Variants in UNC79 observed in about 807,000 individuals in gnomAD.
UNC79 encodes protein unc-79 homolog.
UNC79 carries 37 observed loss-of-function variants against 283.1 expected under a neutral mutation model. The observed-to-expected ratio is 0.13, with a 90% CI of 0.10 to 0.17. UNC79 has a LOEUF of 0.17. Ranked by LOEUF, UNC79 falls within the 10% of genes least tolerant of loss-of-function variation. The pLI, the probability that UNC79 is intolerant of heterozygous loss-of-function variation, is 1.00. For synonymous variants in UNC79, 1,107 were observed against 1,200.2 expected (o/e 0.92, Z 1.61); for missense variants, 2,272 against 3,211.1 (o/e 0.71, Z 7.07).
At chr14:93,353,329 A>C (rs1405283270) in intron 1 of UNC79, among the ~76,000 whole-genome samples, 1 of 151,878 alleles carries the variant, frequency 6.6e-6, no homozygotes, top group African/African-American at 2.4e-5. Flanking sequence ...TTGACTTCCC[A>C]AAGCTTTGGA....
At chr14:93,675,438 A>G (rs2073256758) in intron 41 of UNC79, among the ~76,000 whole-genome samples, 1 of 151,888 alleles carries the variant, frequency 6.6e-6, no homozygotes, top group Non-Finnish European at 1.5e-5. Context: ...CAATTTAGCA[A>G]TTGAAGTTGA....
chr14:93,412,280 A>G (rs1303169203), intron 1 of UNC79, among the ~76,000 whole-genome samples: 1 of 152,164 alleles, frequency 6.6e-6, no homozygotes, highest in Non-Finnish European at 1.5e-5. Flanking sequence ...GCATGCCTAC[A>G]GGATATAGAA....
intron 40 of UNC79, among the ~76,000 whole-genome samples, chr14:93,667,287 A>G (rs1444506397): frequency 1.3e-5 from 2 of 152,170 alleles, no homozygotes; most frequent in African/African-American, 2.4e-5. Context: ...TGGAAGATCA[A>G]TACAACAGAA....
chr14:93,476,152 A>G (rs1822100939), intron 3 of UNC79, among the ~76,000 whole-genome samples: 1 of 152,046 alleles, frequency 6.6e-6, no homozygotes, highest in Admixed American at 6.6e-5. Flanking sequence ...ATCCTTGTGG[A>G]CGCTTCTTTT....
intron 1 of UNC79, chr14:93,347,355 C>T: frequency 6.3e-7 from 1 of 1,588,078 alleles, no homozygotes; most frequent in Non-Finnish European, 8.5e-7. Context: ...CCCGCTTCGC[C>T]CACTCGGGGC....
chr14:93,403,196 C>A (rs1053707168), intron 1 of UNC79, among the ~76,000 whole-genome samples: 1 of 152,200 alleles, frequency 6.6e-6, no homozygotes, highest in Non-Finnish European at 1.5e-5. Context: ...TGCATTTTTA[C>A]ATAAACAATA....
rs2060884537 is a variant in UNC79 at position 93,532,669 on chromosome 14, G to T, written c.1122+91G>T. 3.3e-6 allele frequency: 5 copies of T among 1,522,098 alleles called. No individual in the cohort carries two copies. The South Asian group carries it at 3.6e-5, about 11-fold the overall frequency. The allele number at this position is 1,522,098 out of a possible 1,614,324, so 94.3% of individuals were successfully genotyped here. A position where few individuals can be genotyped will look rare whatever the true frequency, so the allele number is the denominator to read the frequency against. On this transcript the variant is annotated intron_variant, in intron 11 of 48. Transcript: ENST00000555664. ...GACATCTGCCTCATTTCTGCACCGTGGTTTCCAGTATATGCATGCCATTGT... is the reference window on the plus strand; with the variant it reads ...GACATCTGCCTCATTTCTGCACCGTTGTTTCCAGTATATGCATGCCATTGT...
chr14:93,476,469 C>T (rs1423132376), intron 3 of UNC79, among the ~76,000 whole-genome samples: 4 of 152,174 alleles, frequency 2.6e-5, no homozygotes, highest in Non-Finnish European at 4.4e-5. Flanking sequence ...CCATTTCATT[C>T]ATTTGAGCTC....
chr14:93,552,480 A>G (rs540169971), intron 14 of UNC79, among the ~76,000 whole-genome samples: 1 of 152,336 alleles, frequency 6.6e-6, no homozygotes, highest in Non-Finnish European at 1.5e-5. Context: ...GTTAGTTTGG[A>G]GACTTGCAGC....
chr14:93,380,777 G>T (rs936272486), intron 1 of UNC79, among the ~76,000 whole-genome samples: 2 of 152,008 alleles, frequency 1.3e-5, no homozygotes, highest in African/African-American at 4.8e-5. Context: ...TATATTCAGT[G>T]TATAGATTTT....
chr14:93,659,253 G>A, exon 39 of UNC79: 1 of 1,610,244 alleles, frequency 6.2e-7, no homozygotes, highest in Non-Finnish European at 8.5e-7. Context: ...TTCTACCAAT[G>A]CTACAAGGGT....
At chr14:93,550,514 C>CAAA (rs1205210121) in intron 14 of UNC79, among the ~76,000 whole-genome samples, 980 of 19,138 alleles carry the variant, frequency 0.051, 47 homozygotes, top group Non-Finnish European at 0.075. Flanking sequence ...GACTCCGTAT[C>CAAA]AAAAAAAAAA....
intron 41 of UNC79, among the ~76,000 whole-genome samples, chr14:93,674,627 G>A (rs1360689592): frequency 6.6e-6 from 1 of 152,196 alleles, no homozygotes; most frequent in Non-Finnish European, 1.5e-5. Flanking sequence ...TACAAGCTGA[G>A]GGTTAAATGA....
exon 48 of UNC79, chr14:93,704,625 C>G: frequency 6.2e-7 from 1 of 1,614,200 alleles, no homozygotes; most frequent in Non-Finnish European, 8.5e-7. Context: ...CTCTATACAG[C>G]TGATACCTAT....
chr14:93,446,626 T>G (rs2056468851), intron 1 of UNC79, among the ~76,000 whole-genome samples: 1 of 152,194 alleles, frequency 6.6e-6, no homozygotes, highest in African/African-American at 2.4e-5. Context: ...ATTCCTGACC[T>G]CAAATGATCC....
At chr14:93,679,407 C>T (rs746944092) in intron 41 of UNC79, among the ~76,000 whole-genome samples, 6 of 152,112 alleles carry the variant, frequency 3.9e-5, no homozygotes, top group East Asian at 1.9e-4. Context: ...TGCAGTGAGC[C>T]GAGATCGCGC....
chr14:93,592,891 C>T (rs978394205), intron 22 of UNC79, among the ~76,000 whole-genome samples: 4 of 152,204 alleles, frequency 2.6e-5, no homozygotes, highest in Admixed American at 2.0e-4. Context: ...CTTTCTCACT[C>T]CCTCCCCATC....
intron 22 of UNC79, among the ~76,000 whole-genome samples, chr14:93,590,047 G>A (rs995749893): frequency 6.6e-6 from 1 of 152,144 alleles, no homozygotes; most frequent in Non-Finnish European, 1.5e-5. Flanking sequence ...GAATGTCTTG[G>A]CTATAGCTGC....
At chr14:93,339,866 T>C (rs577640610) in intron 1 of UNC79, among the ~76,000 whole-genome samples, 4 of 152,382 alleles carry the variant, frequency 2.6e-5, no homozygotes, top group South Asian at 2.1e-4. Context: ...TATGCTAGTA[T>C]GTATGGTTGC....
Sources: allele counts gnomAD v4.1 joint callset (sites outside exome capture counted in the v4.1 genomes callset), GRCh38; gene constraint gnomAD v4.1.1; transcripts MANE v1.5; gene names NCBI Gene and HGNC (gene_info 2026-07-23, HGNC 2026-07-21).